Variants in RBFOX1 observed in about 807,000 individuals in gnomAD.
The protein encoded by RBFOX1 is RNA binding protein fox-1 homolog 1.
A neutral mutation model predicts 57.7 loss-of-function variants in RBFOX1; 8 were observed. The ratio of observed to expected loss-of-function variants is 0.14; its 90% confidence interval spans 0.08 to 0.25. The LOEUF is 0.25. Among genes scored for constraint, RBFOX1 ranks in the 10% least tolerant of loss-of-function variants. The pLI is 1.00. For missense variants in RBFOX1, 611 were observed against 548.5 expected, an observed-to-expected ratio of 1.11 and a Z score of -1.14; for synonymous variants, 326 against 222.4, an observed-to-expected ratio of 1.47 and a Z score of -4.15.
intron 1 of RBFOX1, among the ~76,000 whole-genome samples, chr16:6,286,852 C>G (rs2076956278): frequency 1.3e-5 from 2 of 152,188 alleles, no homozygotes; most frequent in African/African-American, 2.4e-5. Flanking sequence ...CCTTCTCTAT[C>G]TCCCTGCACT....
intron 10 of RBFOX1, among the ~76,000 whole-genome samples, chr16:7,620,452 C>T (rs2059135325): frequency 6.6e-6 from 1 of 152,222 alleles, no homozygotes; most frequent in Admixed American, 6.5e-5. Context: ...TATTTCTCCT[C>T]TGCATTTGCC....
chr16:7,695,212 T>A (rs1336838693), intron 14 of RBFOX1, among the ~76,000 whole-genome samples: 1 of 152,288 alleles, frequency 6.6e-6, no homozygotes, highest in Non-Finnish European at 1.5e-5. Flanking sequence ...AAGGTTCCGT[T>A]TGAACTCTGA....
At chr16:5,319,584 C>T (rs2064343486) in intron 1 of RBFOX1, among the ~76,000 whole-genome samples, 3 of 152,166 alleles carry the variant, frequency 2.0e-5, no homozygotes, top group Admixed American at 1.3e-4. Flanking sequence ...CAATCCAGGC[C>T]ACGTGGACCT....
At chr16:6,957,100 ATT>A (rs200790050) in intron 3 of RBFOX1, among the ~76,000 whole-genome samples, 2 of 142,050 alleles carry the variant, frequency 1.4e-5, no homozygotes, top group Non-Finnish European at 3.0e-5. Flanking sequence ...TATTTATTTT[ATT>A]TTTTTATTTT....
At chr16:5,831,019 T>G (rs776270083) in intron 3 of RBFOX1, among the ~76,000 whole-genome samples, 2 of 152,222 alleles carry the variant, frequency 1.3e-5, no homozygotes, top group African/African-American at 2.4e-5. Flanking sequence ...TAAATTAACC[T>G]TGCTAATGCG....
chr16:7,629,801 G>T (rs1254866284), intron 10 of RBFOX1, among the ~76,000 whole-genome samples: 1 of 152,186 alleles, frequency 6.6e-6, no homozygotes, highest in African/African-American at 2.4e-5. Flanking sequence ...TCAGGAGGAG[G>T]CAAGTCATTG....
chr16:6,890,971 A>G (rs1281768273), intron 3 of RBFOX1, among the ~76,000 whole-genome samples: 1 of 152,182 alleles, frequency 6.6e-6, no homozygotes, highest in Non-Finnish European at 1.5e-5. Context: ...ATTCGTGTGG[A>G]GTCACCTGGT....
In RBFOX1 at chr16:7,653,912, C is replaced by G; in HGVS notation, c.855C>G (p.Ala285=). 6.3e-7 allele frequency: 1 copy of G among 1,575,826 alleles called. No individual in the cohort carries two copies. The highest frequency in any genetic ancestry group is 2.3e-5 in the East Asian group (1 of 43,978). Residue 285 remains alanine, a synonymous_variant, in exon 12 of 16, where the codon GCC becomes GCG. Coordinates refer to ENST00000550418, the MANE Select transcript of RBFOX1 (RefSeq NM_018723.4). ...GCACCGTGTACAACACCTTCAGGGC[C>G]GCGGCGCCCCCGCCCCCGATCCCGG... ...RGRTVYNTFR[A]AAPPPPIPAY...
At chr16:6,459,161 C>T (rs1346197826) in intron 2 of RBFOX1, among the ~76,000 whole-genome samples, 1 of 152,144 alleles carries the variant, frequency 6.6e-6, no homozygotes, top group African/African-American at 2.4e-5. Flanking sequence ...CAGTGAAACC[C>T]CGTCTCTACT....
chr16:7,099,964 A>G (rs990120940), intron 4 of RBFOX1, among the ~76,000 whole-genome samples: 3 of 151,968 alleles, frequency 2.0e-5, no homozygotes, highest in Non-Finnish European at 2.9e-5. Context: ...ATAATGAGGC[A>G]TGTTCACCCC....
chr16:5,689,693 A>G (rs2050610074), intron 3 of RBFOX1, among the ~76,000 whole-genome samples: 1 of 152,148 alleles, frequency 6.6e-6, no homozygotes, highest in Non-Finnish European at 1.5e-5. Flanking sequence ...CATCAGATAT[A>G]TATTTTTGAA....
chr16:5,681,036 T>C (rs1368526596), intron 3 of RBFOX1, among the ~76,000 whole-genome samples: 4 of 151,936 alleles, frequency 2.6e-5, no homozygotes, highest in Non-Finnish European at 5.9e-5. Flanking sequence ...GAGAATCTCT[T>C]AGATAAGATG....
chr16:7,235,464 T>C (rs1051843468), intron 4 of RBFOX1, among the ~76,000 whole-genome samples: 5 of 152,214 alleles, frequency 3.3e-5, no homozygotes, highest in African/African-American at 1.2e-4. Flanking sequence ...CCTTTGTTTG[T>C]AAGATGTAAA....
intron 1 of RBFOX1, among the ~76,000 whole-genome samples, chr16:6,058,251 C>A (rs542104661): frequency 2.0e-5 from 3 of 151,812 alleles, no homozygotes; most frequent in Admixed American, 6.6e-5. Flanking sequence ...TAATCCCTGC[C>A]CCTATTCTCT....
intron 5 of RBFOX1, among the ~76,000 whole-genome samples, chr16:7,565,523 T>C (rs961585016): frequency 1.3e-5 from 2 of 152,206 alleles, no homozygotes; most frequent in Non-Finnish European, 2.9e-5. Context: ...CCGTGGACCC[T>C]GTAAATTCAC....
intron 4 of RBFOX1, among the ~76,000 whole-genome samples, chr16:5,978,687 T>TG (rs374245086): frequency 2.9e-4 from 44 of 150,188 alleles, no homozygotes; most frequent in Middle Eastern, 3.5e-3. Context: ...TGTTTTTTTT[T>TG]TTGTTGTTGT....
At chr16:6,906,573 A>G (rs891153428) in intron 3 of RBFOX1, among the ~76,000 whole-genome samples, 2 of 152,210 alleles carry the variant, frequency 1.3e-5, no homozygotes, top group South Asian at 4.1e-4. Flanking sequence ...AGTTAAAAAC[A>G]AGGGGTACAT....
At chr16:7,399,049 C>G (rs2098191551) in intron 4 of RBFOX1, among the ~76,000 whole-genome samples, 1 of 152,234 alleles carries the variant, frequency 6.6e-6, no homozygotes, top group South Asian at 2.1e-4. Flanking sequence ...GTTGGGTACT[C>G]TGCTCACTTT....
At chr16:5,403,630 G>T (rs745937252) in intron 1 of RBFOX1, among the ~76,000 whole-genome samples, 1 of 152,062 alleles carries the variant, frequency 6.6e-6, no homozygotes, top group Non-Finnish European at 1.5e-5. Context: ...ATTTTTAATA[G>T]AGACGAGGTT....
Sources: allele counts gnomAD v4.1 joint callset (sites outside exome capture counted in the v4.1 genomes callset), GRCh38; gene constraint gnomAD v4.1.1; transcripts MANE v1.5; gene names NCBI Gene and HGNC (gene_info 2026-07-23, HGNC 2026-07-21).